The following PLXNA4 variants were observed in gnomAD, a reference collection of about 807,000 sequenced individuals.
The protein encoded by PLXNA4 is plexin A4.
PLXNA4 carries 44 observed loss-of-function variants against 191.8 expected under a neutral mutation model. The ratio of observed to expected loss-of-function variants is 0.23; its 90% confidence interval spans 0.18 to 0.29. The LOEUF is 0.29. Ranked by LOEUF, PLXNA4 falls within the 10% of genes least tolerant of loss-of-function variation. The pLI, the probability that PLXNA4 is intolerant of heterozygous loss-of-function variation, is 1.00. For synonymous variants in PLXNA4, 1,082 were observed against 1,009.5 expected, an observed-to-expected ratio of 1.07 and a Z score of -1.36; for missense variants, 1,800 against 2,488.8, an observed-to-expected ratio of 0.72 and a Z score of 5.89.
intron 2 of PLXNA4, among the ~76,000 whole-genome samples, chr7:132,628,165 A>G (rs1347826759): frequency 1.3e-5 from 2 of 152,214 alleles, no homozygotes; most frequent in African/African-American, 2.4e-5. Context: ...CTTCCTAAAA[A>G]TTTATTCTAT....
rs73442720 is a variant in PLXNA4 at position 132,473,998 on chromosome 7, T to A, written c.1371+15294A>T. Among the ~76,000 whole-genome samples the A allele has an allele frequency of 5.5e-3, 829 of 151,816 alleles. 15 individuals are homozygous for A. Among genetic ancestry groups the A allele is most frequent in the African/African-American group, 0.018 (758 of 41,352 alleles). On this transcript the variant is annotated intron_variant, in intron 3 of 31. Transcript: ENST00000321063. Reference sequence around the variant, plus strand: ...AACTTAGAACAGAACTGACAGCATCTCTTCAAGTGAAGACTTCAGAGAAAG... The same window carrying A: ...AACTTAGAACAGAACTGACAGCATCACTTCAAGTGAAGACTTCAGAGAAAG...
rs1464438421 is a variant in PLXNA4, at chr7:132,347,066, C to T, written c.1372-48844G>A. ...TGATTCCATTTTTTTTCTTCTTTCT[C>T]TGATTGCCACTTGAGATAATTAGCT... On this transcript the variant is annotated intron_variant, in intron 3 of 31. Coordinates refer to ENST00000321063, the MANE Select transcript of PLXNA4 (RefSeq NM_020911.2). 3.3e-5 allele frequency among the ~76,000 whole-genome samples: 5 copies of T among 152,046 alleles called. No individual in the cohort carries two copies. The South Asian group carries it at 8.3e-4, about 25-fold the overall frequency.
chr7:132,147,702 A>G (rs1473442933), intron 27 of PLXNA4, among the ~76,000 whole-genome samples, 198 bp downstream of exon 27: 2 of 152,162 alleles, frequency 1.3e-5, no homozygotes, highest in Admixed American at 1.3e-4. Flanking sequence ...CTCGTGGATG[A>G]AGGTCTTGCT....
At chr7:132,252,141 C>T (rs997595329) in intron 4 of PLXNA4, among the ~76,000 whole-genome samples, 10 of 152,054 alleles carry the variant, frequency 6.6e-5, no homozygotes, top group African/African-American at 2.2e-4. Context: ...AGGGCCAAGC[C>T]TGCTGCTGGG....
intron 2 of PLXNA4, among the ~76,000 whole-genome samples, chr7:132,502,314 C>G (rs751389350): frequency 6.6e-6 from 1 of 152,142 alleles, no homozygotes; most frequent in Non-Finnish European, 1.5e-5. Context: ...GGACCTCCAT[C>G]GCCACCCAGT....
intron 29 of PLXNA4, among the ~76,000 whole-genome samples, chr7:132,142,992 A>T (rs546852440): frequency 8.5e-5 from 13 of 152,154 alleles, no homozygotes; most frequent in Non-Finnish European, 1.2e-4. Flanking sequence ...CTAATGAAAT[A>T]TTAGCATATT....
intron 2 of PLXNA4, among the ~76,000 whole-genome samples, chr7:132,611,713 C>A (rs1402598197): frequency 1.3e-5 from 2 of 152,170 alleles, no homozygotes; most frequent in Admixed American, 1.3e-4. Flanking sequence ...AGACCAGTAC[C>A]AAAAGAGGAG....
intron 23 of PLXNA4, among the ~76,000 whole-genome samples, chr7:132,164,616 C>T (rs1184233946): frequency 3.9e-5 from 6 of 152,122 alleles, no homozygotes; most frequent in Admixed American, 6.5e-5. Flanking sequence ...TCACCCCGCT[C>T]TCTCAGAGGC....
chr7:132,553,641 G>A (rs1040246928), intron 1 of PLXNA4, among the ~76,000 whole-genome samples: 2 of 152,150 alleles, frequency 1.3e-5, no homozygotes, highest in African/African-American at 4.8e-5. Flanking sequence ...ACTGGAACAT[G>A]GTTTCTTTGG....
At chr7:132,305,941 G>T (rs1156485270) in intron 3 of PLXNA4, among the ~76,000 whole-genome samples, 1 of 152,154 alleles carries the variant, frequency 6.6e-6, no homozygotes, top group South Asian at 2.1e-4. Flanking sequence ...AGAATGCAAG[G>T]GTGGGCTCTT....
chr7:132,535,371 T>C (rs1799790825), intron 1 of PLXNA4, among the ~76,000 whole-genome samples: 2 of 152,190 alleles, frequency 1.3e-5, no homozygotes, highest in African/African-American at 4.8e-5. Flanking sequence ...GAGGAGGGGC[T>C]GTGGTCTGGT....
At chr7:132,229,636 AG>A (rs1798455387) in intron 5 of PLXNA4, among the ~76,000 whole-genome samples, 1 of 152,192 alleles carries the variant, frequency 6.6e-6, no homozygotes, top group African/African-American at 2.4e-5. Context: ...AAGATTTTGC[AG>A]AGGAAGGAAG....
intron 15 of PLXNA4, among the ~76,000 whole-genome samples, chr7:132,186,569 G>A (rs1451431722): frequency 2.0e-5 from 3 of 152,198 alleles, no homozygotes; most frequent in African/African-American, 7.2e-5. Flanking sequence ...TTGTTAGGCA[G>A]GAGGAGTACT....
intron 3 of PLXNA4, among the ~76,000 whole-genome samples, chr7:132,452,413 G>A (rs1003281762): frequency 6.6e-6 from 1 of 152,210 alleles, no homozygotes; most frequent in South Asian, 2.1e-4. Context: ...TGTTAGCAGA[G>A]CTCAGAAGGC....
At chr7:132,421,999 G>A (rs982941582) in intron 3 of PLXNA4, among the ~76,000 whole-genome samples, 3 of 152,188 alleles carry the variant, frequency 2.0e-5, no homozygotes, top group Non-Finnish European at 2.9e-5. Context: ...CAACAATGAG[G>A]TAATGTCTTC....
intron 2 of PLXNA4, among the ~76,000 whole-genome samples, chr7:132,628,886 A>G (rs959991317): frequency 8.5e-5 from 13 of 152,148 alleles, no homozygotes; most frequent in African/African-American, 2.9e-4. Flanking sequence ...CCTTGCATTC[A>G]TTTCTTCTGA....
At chr7:132,162,281 G>A (rs1205991424) in intron 24 of PLXNA4, among the ~76,000 whole-genome samples, 1 of 152,184 alleles carries the variant, frequency 6.6e-6, no homozygotes, top group African/African-American at 2.4e-5. Flanking sequence ...CCCTGTGGCC[G>A]TTTCTTCTCC....
At chr7:132,306,760 A>T (rs1477094330) in intron 3 of PLXNA4, among the ~76,000 whole-genome samples, 1 of 152,106 alleles carries the variant, frequency 6.6e-6, no homozygotes, top group Non-Finnish European at 1.5e-5. Flanking sequence ...GTGTGCACAC[A>T]CATGTATACA....
rs1388635395 is a variant in PLXNA4, at chr7:132,169,023, G to T, written c.4018-451C>A. On this transcript the variant is annotated intron_variant, in intron 21 of 31. Coordinates refer to ENST00000321063, the MANE Select transcript of PLXNA4 (RefSeq NM_020911.2). Reference sequence around the variant, plus strand: ...ATGCCCACCCCTCTCCAGCCCTAGGGGTGCTGTTGATACACCAGTGGCCTC... The same window carrying T: ...ATGCCCACCCCTCTCCAGCCCTAGGTGTGCTGTTGATACACCAGTGGCCTC... 3.3e-5 allele frequency among the ~76,000 whole-genome samples: 5 copies of T among 152,286 alleles called. No individual in the cohort carries two copies. In the East Asian group the frequency reaches 9.7e-4, roughly 29 times the overall value.
Sources: gnomAD v4.1 joint callset for allele counts (sites outside exome capture counted in the v4.1 genomes callset) on GRCh38, gnomAD v4.1.1 for gene constraint, MANE v1.5 for transcripts, NCBI Gene and HGNC (gene_info 2026-07-23, HGNC 2026-07-21) for gene names.